PTPRN2: variants seen among roughly 807,000 people sequenced by gnomAD.
The protein encoded by PTPRN2 is receptor-type tyrosine-protein phosphatase N2.
PTPRN2 carries 74 observed loss-of-function variants against 118.8 expected under a neutral mutation model. The observed-to-expected ratio is 0.62, with a 90% CI of 0.52 to 0.76. PTPRN2 has a LOEUF of 0.76. PTPRN2 is among the 30% of genes least tolerant of loss of function. PTPRN2 has a pLI of 0.00. For missense variants in PTPRN2, 1,481 were observed against 1,394.4 expected (o/e 1.06, Z -0.99); for synonymous variants, 641 against 608.0 (o/e 1.05, Z -0.80).
In PTPRN2 at chr7:158,523,494, G is replaced by GTCTGCCCTGGAGTGGAGTCC. The variant is rs1824413139; in HGVS notation, c.113-33710_113-33709insGGACTCCACTCCAGGGCAGA. Among the ~76,000 whole-genome samples, 2 of 61,324 alleles carry GTCTGCCCTGGAGTGGAGTCC rather than the reference G, an allele frequency of 3.3e-5. 1 individual carries two copies. Among genetic ancestry groups the GTCTGCCCTGGAGTGGAGTCC allele is most frequent in the Non-Finnish European group, 7.1e-5 (2 of 28,190 alleles). 40.2% of individuals were successfully genotyped at this position (61,324 alleles called of 152,430 possible). On this transcript the variant is annotated intron_variant, in intron 1 of 22. Transcript: ENST00000389418. ...GAGTCCTCTGCCCTGGAGTGGAGTC[G>GTCTGCCCTGGAGTGGAGTCC]TCTGCCCTGGAGTGGAGTCGTCTGC...
intron 4 of PTPRN2, among the ~76,000 whole-genome samples, chr7:158,204,836 T>C (rs1390766087): frequency 6.6e-6 from 1 of 152,238 alleles, no homozygotes; most frequent in Non-Finnish European, 1.5e-5. Context: ...AATTCTGTTT[T>C]TTGTCTAAAG....
At chr7:157,880,218 A>C (rs1796035813) in intron 12 of PTPRN2, among the ~76,000 whole-genome samples, 1 of 152,206 alleles carries the variant, frequency 6.6e-6, no homozygotes, top group South Asian at 2.1e-4. Flanking sequence ...GACGATCTGT[A>C]AATTAGCAGC....
intron 12 of PTPRN2, among the ~76,000 whole-genome samples, chr7:157,731,273 C>G (rs1004140399): frequency 2.0e-5 from 3 of 152,174 alleles, no homozygotes; most frequent in African/African-American, 7.2e-5. Context: ...TCCTGAAGGT[C>G]TGCACCAGGC....
At chr7:158,273,821 AT>A (rs1201233172) in intron 3 of PTPRN2, among the ~76,000 whole-genome samples, 7 of 38,362 alleles carry the variant, frequency 1.8e-4, no homozygotes, top group South Asian at 1.5e-3. Flanking sequence ...AGCCGCAGGC[AT>A]GGGGGAGCCG....
chr7:158,012,801 C>A (rs908394268), intron 11 of PTPRN2, among the ~76,000 whole-genome samples: 6 of 152,272 alleles, frequency 3.9e-5, no homozygotes, highest in Admixed American at 3.9e-4. Context: ...AAGGCACATA[C>A]CTAACCTTCT....
chr7:158,142,074 T>A (rs1298115153), intron 6 of PTPRN2, among the ~76,000 whole-genome samples: 4 of 152,186 alleles, frequency 2.6e-5, no homozygotes, highest in Admixed American at 1.3e-4. Flanking sequence ...TAACCCCACA[T>A]TTCTGATGCT....
chr7:158,231,503 T>A (rs891701801), intron 3 of PTPRN2, among the ~76,000 whole-genome samples: 1 of 152,206 alleles, frequency 6.6e-6, no homozygotes, highest in African/African-American at 2.4e-5. Context: ...AAGGAAGAGA[T>A]AGCCCGCAAT....
At chr7:158,049,121 CAT>C in intron 11 of PTPRN2, among the ~76,000 whole-genome samples, 1 of 127,308 alleles carries the variant, frequency 7.9e-6, no homozygotes, top group Non-Finnish European at 1.7e-5. Flanking sequence ...CCATCATCAG[CAT>C]CACTATCATC....
intron 11 of PTPRN2, among the ~76,000 whole-genome samples, chr7:158,025,776 A>G (rs573147619): frequency 6.6e-6 from 1 of 152,258 alleles, no homozygotes; most frequent in Non-Finnish European, 1.5e-5. Context: ...AGTAATTGAC[A>G]CAAGATCAGA....
chr7:157,643,271 A>G (rs1804817163), intron 14 of PTPRN2, among the ~76,000 whole-genome samples: 1 of 152,270 alleles, frequency 6.6e-6, no homozygotes, highest in South Asian at 2.1e-4. Context: ...TGCTCAAGGC[A>G]GAAAAGACAA....
chr7:157,834,628 C>T (rs1288955785), intron 12 of PTPRN2, among the ~76,000 whole-genome samples: 3 of 152,280 alleles, frequency 2.0e-5, no homozygotes, highest in African/African-American at 4.8e-5. Context: ...GAAGTCAGGG[C>T]GAGCGGGCGG....
chr7:158,227,582 T>C (rs12673825), intron 3 of PTPRN2, among the ~76,000 whole-genome samples: 34,717 of 151,990 alleles, frequency 0.23, 4,098 homozygotes, highest in African/African-American at 0.27. Context: ...CTAGATTTTA[T>C]GAGTAGAATT....
At chr7:158,528,574 C>T (rs1824967995) in intron 1 of PTPRN2, among the ~76,000 whole-genome samples, 2 of 151,360 alleles carry the variant, frequency 1.3e-5, no homozygotes, top group Admixed American at 6.6e-5. Context: ...ATCAAGAGGT[C>T]AGGAGATTGA....
At chr7:157,692,116 T>C (rs1563350906) in intron 12 of PTPRN2, among the ~76,000 whole-genome samples, 2 of 152,190 alleles carry the variant, frequency 1.3e-5, no homozygotes, top group Non-Finnish European at 2.9e-5. Flanking sequence ...TTTCTCCTTT[T>C]CTGGAAACCC....
chr7:158,165,133 CAAAG>C (rs10611001), intron 6 of PTPRN2, among the ~76,000 whole-genome samples: 1,933 of 32,458 alleles, frequency 0.06, 7 homozygotes, highest in East Asian at 0.095. Flanking sequence ...GTCTAGTACA[CAAAG>C]AGTGCAGGAG....
chr7:157,909,173 T>C (rs566921007), intron 11 of PTPRN2, among the ~76,000 whole-genome samples: 2 of 152,302 alleles, frequency 1.3e-5, no homozygotes, highest in East Asian at 1.9e-4. Context: ...GTCTTTTTCA[T>C]TGGATTAATT....
chr7:157,615,499 G>C lies in PTPRN2; in HGVS notation c.2344+5863C>G, dbSNP rs777149278. On this transcript the variant is annotated intron_variant, in intron 15 of 22. Coordinates refer to ENST00000389418, the MANE Select transcript of PTPRN2 (RefSeq NM_002847.5). This position sits in a 1 kb window ranked among gnomAD's most constrained non-coding sequence, Gnocchi z 4.3. ...TGATGAGCCTTTGCCAATATGCTCG[G>C]GACCTGGGGACGGCTGGGGTGACCC... The C allele has an allele frequency of 6.4e-6, 3 of 471,088 alleles. No individual in the cohort carries two copies. Among genetic ancestry groups the C allele is most frequent in the Admixed American group, 2.3e-5 (1 of 42,576 alleles). The allele number at this position is 471,088 out of a possible 1,614,324, so 29.2% of individuals were successfully genotyped here.
chr7:157,919,176 A>G (rs1316946327), intron 11 of PTPRN2, among the ~76,000 whole-genome samples: 1 of 152,342 alleles, frequency 6.6e-6, no homozygotes, highest in East Asian at 1.9e-4. Context: ...AACCGATCAG[A>G]TATTAAGCCT....
intron 3 of PTPRN2, among the ~76,000 whole-genome samples, chr7:158,306,752 A>G (rs1801316704): frequency 6.6e-6 from 1 of 152,212 alleles, no homozygotes; most frequent in South Asian, 2.1e-4. Flanking sequence ...TGAGGCATTC[A>G]AAGAAACATG....
Sources: gnomAD v4.1 joint callset for allele counts (sites outside exome capture counted in the v4.1 genomes callset) on GRCh38, gnomAD v4.1.1 for gene constraint, Gnocchi (gnomAD v3.1) non-coding constraint, MANE v1.5 for transcripts, NCBI Gene and HGNC (gene_info 2026-07-23, HGNC 2026-07-21) for gene names.